PLXNA1: variants seen among roughly 807,000 people sequenced by gnomAD.
The protein encoded by PLXNA1 is plexin A1.
Under a neutral mutation model 191.7 loss-of-function variants are expected in PLXNA1, and 77 were observed. The ratio of observed to expected loss-of-function variants is 0.40; its 90% confidence interval spans 0.33 to 0.49. The LOEUF (loss-of-function observed/expected upper bound fraction) is 0.49, where lower values mean the gene tolerates loss of function less well. PLXNA1 is among the 20% of genes least tolerant of loss of function. PLXNA1 has a pLI of 0.63. For missense variants in PLXNA1, 2,110 were observed against 2,660.2 expected, an observed-to-expected ratio of 0.79 and a Z score of 4.55; for synonymous variants, 1,137 against 1,156.4, an observed-to-expected ratio of 0.98 and a Z score of 0.34.
rs2079226176 is a variant in PLXNA1 at position 127,034,023 on chromosome 3, A to G, written c.*6A>G. On this transcript the variant is annotated 3_prime_UTR_variant, in exon 32 of 32. Transcript: ENST00000393409. Reference sequence around the variant, plus strand: ...CGATGGCCCTGAGCAGCTGAGCCCCAGCTGTGATCATCCAGCATGATGCAG... The same window carrying G: ...CGATGGCCCTGAGCAGCTGAGCCCCGGCTGTGATCATCCAGCATGATGCAG... 2 of 1,592,000 alleles carry G rather than the reference A, an allele frequency of 1.3e-6. No homozygotes were observed. The highest frequency in any genetic ancestry group is 1.7e-6 in the Non-Finnish European group (2 of 1,170,636).
In PLXNA1 at chr3:127,005,233, G is replaced by A. The variant is rs376837581; in HGVS notation, c.1887G>A (p.Thr629=). The A allele has an allele frequency of 2.6e-5, 41 of 1,606,656 alleles. No homozygotes were observed. The highest frequency in any genetic ancestry group is 1.6e-4 in the Middle Eastern group (1 of 6,074). Residue 629 remains threonine, a synonymous_variant, in exon 7 of 32, where the codon ACG becomes ACA. Transcript: ENST00000393409. Reference sequence around the variant, plus strand: ...CCGCCCGGGAGGTGGCGCCCATCACGCGGGGCCAGGGTGAGTGGCCCCAAC... The same window carrying A: ...CCGCCCGGGAGGTGGCGCCCATCACACGGGGCCAGGGTGAGTGGCCCCAAC... ...SPSAREVAPI[T]RGQGDQRVVK... is the part of the protein sequence containing the mutation.
chr3:127,022,292 A>G lies in PLXNA1; in HGVS notation c.4246A>G (p.Ile1416Val). 1 of 1,613,116 alleles carries G rather than the reference A, an allele frequency of 6.2e-7. No homozygotes were observed. Among genetic ancestry groups the G allele is most frequent in the Non-Finnish European group, 8.5e-7 (1 of 1,179,542 alleles). ...GCTCAAGCAGCTGCTTTCCGACCTC[A>G]TCGAGAAGAACCTGGAGAGCAAGAA... Reference protein sequence around the residue: ...GVLKQLLSDLIEKNLESKNHP... With the variant: ...GVLKQLLSDLVEKNLESKNHP... The change falls in exon 22 of 32, where the codon ATC (isoleucine) becomes GTC (valine). Residue 1416 changes from isoleucine (I) to valine (V), a missense_variant. By Grantham distance (29) the Ile-to-Val change is conservative. This residue lies in a region of PLXNA1 where 559 missense variants were observed against 911.5 expected (regional missense o/e 0.61). Transcript: ENST00000393409.
intron 9 of PLXNA1, among the ~76,000 whole-genome samples, chr3:127,011,319 T>A (rs1380352664): frequency 6.6e-6 from 1 of 152,150 alleles, no homozygotes; most frequent in African/African-American, 2.4e-5. Context: ...CTGGAGCTCC[T>A]GAGGGGCCAG....
At chr3:127,006,025 G>A (rs1196623489) in intron 7 of PLXNA1, 54 bp from the exon 8 acceptor site, 3 of 1,384,656 alleles carry the variant, frequency 2.2e-6, no homozygotes, top group East Asian at 2.3e-5. Context: ...GACTTGCCCT[G>A]TGTGGGAGTC....
chr3:127,014,792 A>G lies in PLXNA1; in HGVS notation c.2838A>G (p.Pro946=), dbSNP rs1374034043. The change falls in exon 14 of 32, where the codon CCA becomes CCG. Residue 946 remains proline (P), a synonymous_variant. Coordinates refer to ENST00000393409, the MANE Select transcript of PLXNA1 (RefSeq NM_032242.4). Reference sequence around the variant, plus strand: ...AGGTGTGTGTGCGGGACTGCTCACCACACTACCGCGCCCTGTCACCCAAGC... The same window carrying G: ...AGGTGTGTGTGCGGGACTGCTCACCGCACTACCGCGCCCTGTCACCCAAGC... ...LVEVCVRDCS[P]HYRALSPKRF... 1 of 1,612,634 alleles carries G rather than the reference A, an allele frequency of 6.2e-7. No homozygotes were observed. Among genetic ancestry groups the G allele is most frequent in the Admixed American group, 1.7e-5 (1 of 59,984 alleles).
At chr3:127,031,281 G>C (rs144890120) in intron 29 of PLXNA1, among the ~76,000 whole-genome samples, 1 of 152,210 alleles carries the variant, frequency 6.6e-6, no homozygotes. Context: ...CCTGCTGTGT[G>C]TGTGGCCCCC....
intron 30 of PLXNA1, 22 bp from the exon 31 acceptor site, chr3:127,032,664 C>T: frequency 6.2e-7 from 1 of 1,611,828 alleles, no homozygotes; most frequent in Admixed American, 1.7e-5. Flanking sequence ...GCTCATGTGC[C>T]CACCTGGCCA....
chr3:127,032,980 C>CCCT (rs756076460), intron 31 of PLXNA1, 144 bp downstream of exon 31: 137 of 883,700 alleles, frequency 1.6e-4, no homozygotes, highest in Non-Finnish European at 2.0e-4. Flanking sequence ...CCTCTGGCCA[C>CCCT]CTGGTTCCTT....
In PLXNA1 at chr3:127,008,904, A is replaced by G. The variant is rs537811599; in HGVS notation, c.2112+991A>G. The stretch of plus-strand genomic sequence containing the variant: ...GCGGTGGAGGGTAGCCCGGGGCAGC[A>G]GGGACCACAGTGCCTGTGTCAGGGT... On this transcript the variant is annotated intron_variant, in intron 9 of 31. Coordinates refer to ENST00000393409, the MANE Select transcript of PLXNA1 (RefSeq NM_032242.4). 7.9e-5 allele frequency among the ~76,000 whole-genome samples: 12 copies of G among 152,282 alleles called. No individual in the cohort carries two copies. The East Asian group carries it at 2.3e-3, about 29-fold the overall frequency.
Position 127,035,422 on chromosome 3 carries a change from C to T in PLXNA1, c.*1405C>T, listed in dbSNP as rs142973363. The T allele has an allele frequency of 3.0e-4, 45 of 152,380 alleles. No individual in the cohort carries two copies. The highest frequency in any genetic ancestry group is 1.0e-3 in the African/African-American group (43 of 41,534). 9.4% of individuals were successfully genotyped at this position (152,380 alleles called of 1,614,324 possible). A position where few individuals can be genotyped will look rare whatever the true frequency, so the allele number is the denominator to read the frequency against. On this transcript the variant is annotated 3_prime_UTR_variant, in exon 32 of 32. Coordinates refer to ENST00000393409, the MANE Select transcript of PLXNA1 (RefSeq NM_032242.4). ...GTGGAGCAGCCCTGAAGCCTGTGCC[C>T]CCCGACCTGCGGGCCGCTGTTTTGG... is the stretch of plus-strand genomic sequence containing the variant.
rs778054825 is a variant in PLXNA1 at position 127,032,398 on chromosome 3, G to A, written c.5243G>A (p.Arg1748His). The A allele has an allele frequency of 6.2e-7, 1 of 1,613,736 alleles. No homozygotes were observed. The highest frequency in any genetic ancestry group is 8.5e-7 in the Non-Finnish European group (1 of 1,179,964). Residue 1748 changes from arginine (R) to histidine (H), a missense_variant, in exon 30 of 32, where the codon CGC becomes CAC. Physicochemically the swap from Arg to His is conservative, Grantham distance 29. Transcript: ENST00000393409. ...ACTCTCGCCTGCAGCCTGCCCCTGC[G>A]CTTCTGGGTGAACGTGATCAAGAAC... ...HTWKSNCLPL[R>H]FWVNVIKNPQ...
At chr3:127,022,953 C>A in intron 23 of PLXNA1, 135 bp downstream of exon 23, 1 of 785,228 alleles carries the variant, frequency 1.3e-6, no homozygotes, top group Non-Finnish European at 2.1e-6. Flanking sequence ...TGGCTTGGGC[C>A]AAGGCCCCTG....
rs762297310 is a variant in PLXNA1, at chr3:127,016,950, G to A, written c.3189G>A (p.Gly1063=). 3.0e-5 allele frequency: 49 copies of A among 1,612,842 alleles called. No homozygotes were observed. The highest frequency in any genetic ancestry group is 5.0e-5 in the Admixed American group (3 of 59,944). Residue 1063 remains glycine, a synonymous_variant, in exon 17 of 32, where the codon GGG becomes GGA. Coordinates refer to ENST00000393409, the MANE Select transcript of PLXNA1 (RefSeq NM_032242.4). ...CACCCCTGTCCTGTTCCAGCGGTGGGACCCTCCTGACGGTCACAGGCACCA... is the reference window on the plus strand; with the variant it reads ...CACCCCTGTCCTGTTCCAGCGGTGGAACCCTCCTGACGGTCACAGGCACCA... ...IDPEWSINSG[G]TLLTVTGTNL... is the part of the protein sequence containing the mutation.
chr3:126,996,477 A>C (rs2107623419), intron 3 of PLXNA1, among the ~76,000 whole-genome samples: 1 of 152,330 alleles, frequency 6.6e-6, no homozygotes, highest in East Asian at 1.9e-4. Flanking sequence ...AGTTGGTGGC[A>C]GGTGCCCACT....
chr3:126,985,871 C>A (rs1194042016), intron 1 of PLXNA1, among the ~76,000 whole-genome samples: 1 of 152,196 alleles, frequency 6.6e-6, no homozygotes, highest in Non-Finnish European at 1.5e-5. Flanking sequence ...TTGTCACTGG[C>A]CTTTATTAGA....
At chr3:126,984,698 G>C (rs1439392491) in intron 1 of PLXNA1, among the ~76,000 whole-genome samples, 1 of 152,224 alleles carries the variant, frequency 6.6e-6, no homozygotes, top group Admixed American at 6.5e-5. Flanking sequence ...TGTGGCCTCA[G>C]TGTGTGCTCT....
At chr3:127,004,753 T>C in intron 5 of PLXNA1, 42 bp downstream of exon 5, 1 of 1,582,620 alleles carries the variant, frequency 6.3e-7, no homozygotes, top group South Asian at 1.1e-5. Context: ...GGGAGGGCCA[T>C]GGTGGTCTCA....
chr3:127,001,772 G>A (rs893989136), intron 3 of PLXNA1, among the ~76,000 whole-genome samples: 4 of 152,200 alleles, frequency 2.6e-5, no homozygotes, highest in African/African-American at 7.2e-5. Context: ...CCCTGCTCCC[G>A]CCTGGCACAC....
At chr3:127,013,664 G>C (rs1346689282) in intron 10 of PLXNA1, among the ~76,000 whole-genome samples, 2 of 152,264 alleles carry the variant, frequency 1.3e-5, no homozygotes, top group Non-Finnish European at 2.9e-5. Context: ...GGTACACAGA[G>C]CATGCTGATG....
Sources: allele counts gnomAD v4.1 joint callset (sites outside exome capture counted in the v4.1 genomes callset), GRCh38; gene constraint gnomAD v4.1.1; regional missense constraint gnomAD v4.1.1; transcripts MANE v1.5; gene names NCBI Gene and HGNC (gene_info 2026-07-23, HGNC 2026-07-21).